CNTLN: variants seen among roughly 807,000 people sequenced by gnomAD.
CNTLN encodes the protein centlein, also known as centlein, centrosomal protein.
A neutral mutation model predicts 180.0 loss-of-function variants in CNTLN; 212 were observed. The ratio of observed to expected loss-of-function variants is 1.18; its 90% CI spans 1.05 to 1.32. CNTLN has a LOEUF of 1.32. Among genes scored for constraint, CNTLN ranks in the 40% most tolerant of loss-of-function variants. The pLI, the probability that CNTLN is intolerant of heterozygous loss-of-function variation, is 0.00. For synonymous variants in CNTLN, 722 were observed against 563.1 expected (o/e 1.28, Z -3.99); for missense variants, 2,095 against 1,610.9 (o/e 1.30, Z -5.14).
At chr9:17,376,968 A>G (rs1824825902) in intron 13 of CNTLN, among the ~76,000 whole-genome samples, 1 of 152,216 alleles carries the variant, frequency 6.6e-6, no homozygotes, top group African/African-American at 2.4e-5. Context: ...AACAATTACA[A>G]AAAGAAATTA....
In CNTLN at chr9:17,415,796, T is replaced by G. The variant is rs202121332; in HGVS notation, c.2805T>G (p.Phe935Leu). Reference protein sequence around the residue: ...NIDGKTPKDYFHDKNAKKPTF... With the variant: ...NIDGKTPKDYLHDKNAKKPTF... ...GAAATCTTCAAATTTAGGACTATTTTCATGATAAGAATGCCAAAAAACCAA... is the reference window on the plus strand; with the variant it reads ...GAAATCTTCAAATTTAGGACTATTTGCATGATAAGAATGCCAAAAAACCAA... Residue 935 changes from phenylalanine to leucine, a missense_variant, in exon 17 of 26, where the codon TTT (phenylalanine) becomes TTG (leucine). Coordinates refer to ENST00000380647, the MANE Select transcript of CNTLN (RefSeq NM_017738.4). The G allele has an allele frequency of 1.6e-4, 262 of 1,598,760 alleles. 1 individual carries two copies. The highest frequency in any genetic ancestry group is 1.6e-4 in the Non-Finnish European group (182 of 1,167,672).
chr9:17,194,265 A>G (rs1407073306), intron 2 of CNTLN, among the ~76,000 whole-genome samples: 1 of 152,186 alleles, frequency 6.6e-6, no homozygotes, highest in Non-Finnish European at 1.5e-5. Context: ...CTCCTCAGAA[A>G]ATGAGTTTTT....
chr9:17,199,776 C>G (rs1822397681), intron 2 of CNTLN, among the ~76,000 whole-genome samples: 1 of 151,918 alleles, frequency 6.6e-6, no homozygotes, highest in Non-Finnish European at 1.5e-5. Flanking sequence ...AAATTTTCTC[C>G]CATTTTGTAG....
intron 15 of CNTLN, among the ~76,000 whole-genome samples, chr9:17,408,970 CT>C (rs1309677683): frequency 6.6e-6 from 1 of 152,062 alleles, no homozygotes. Context: ...CTTTTCTGGC[CT>C]TGTTGGGAAA....
intron 5 of CNTLN, among the ~76,000 whole-genome samples, chr9:17,259,522 A>G (rs904662931): frequency 8.0e-5 from 12 of 149,572 alleles, no homozygotes; most frequent in East Asian, 5.9e-4. Flanking sequence ...CTCTTTTTCT[A>G]TTGATTGGAA....
intron 18 of CNTLN, chr9:17,448,161 C>T: frequency 4.8e-6 from 1 of 208,926 alleles, no homozygotes; most frequent in Admixed American, 4.3e-5. Context: ...CCATTAATTT[C>T]CTTAATTCAG....
At chr9:17,150,933 A>C (rs564620677) in intron 2 of CNTLN, among the ~76,000 whole-genome samples, 1 of 152,194 alleles carries the variant, frequency 6.6e-6, no homozygotes, top group South Asian at 2.1e-4. Flanking sequence ...GAGTTCACTC[A>C]TGGTTTGGCT....
intron 21 of CNTLN, 145 bp from the exon 22 acceptor site, chr9:17,465,836 G>T (rs776266388): frequency 1.6e-6 from 1 of 623,606 alleles, no homozygotes; most frequent in African/African-American, 1.9e-5. Context: ...TATGAGTTCT[G>T]TAAGTATAAT....
At chr9:17,522,657 C>T in the CNTLN span, among the ~76,000 whole-genome samples, 35 of 152,012 alleles carry the variant, frequency 2.3e-4, no homozygotes, top group East Asian at 3.1e-3. Context: ...AACCGAAAGT[C>T]GGCCTGCCTT....
At chr9:17,477,252 G>C (rs1440655459) in intron 23 of CNTLN, among the ~76,000 whole-genome samples, 1 of 152,182 alleles carries the variant, frequency 6.6e-6, no homozygotes, top group African/African-American at 2.4e-5. Flanking sequence ...CAAGAGCTTT[G>C]ATGGAGATGT....
downstream of CNTLN, among the ~76,000 whole-genome samples, chr9:17,505,996 T>G (rs1338672577): frequency 9.2e-5 from 14 of 151,944 alleles, no homozygotes; most frequent in African/African-American, 3.1e-4. Flanking sequence ...CCAACTGATT[T>G]GAGACAAAGG....
At chr9:17,178,182 G>A (rs1820853720) in intron 2 of CNTLN, among the ~76,000 whole-genome samples, 1 of 152,090 alleles carries the variant, frequency 6.6e-6, no homozygotes, top group Admixed American at 6.5e-5. Context: ...TAGATACGGA[G>A]TGTCGATTGG....
chr9:17,471,041 C>G (rs1832021779), intron 23 of CNTLN, among the ~76,000 whole-genome samples: 1 of 151,902 alleles, frequency 6.6e-6, no homozygotes, highest in Non-Finnish European at 1.5e-5. Flanking sequence ...TGTCATTATA[C>G]TGAAAAAGGA....
Position 17,394,960 on chromosome 9 carries a change from A to C in CNTLN, c.2506A>C (p.Asn836His). ...TKVKFKAAKK[N>H]CSVGRHHTVL... ...GGTTAAATTTAAAGCTGCGAAGAAA[A>C]ATTGCTCTGTGGGTCGTCACCACAC... The change falls in exon 15 of 26, where the codon AAT becomes CAT. Residue 836 changes from asparagine to histidine, a missense_variant. Physicochemically the swap from Asn to His is moderately conservative, Grantham distance 68 (BLOSUM62 1). Transcript: ENST00000380647. 6.2e-7 allele frequency: 1 copy of C among 1,614,056 alleles called. No homozygotes were observed. The highest frequency in any genetic ancestry group is 8.5e-7 in the Non-Finnish European group (1 of 1,179,964).
At chr9:17,452,028 C>T (rs1830809941) in intron 18 of CNTLN, among the ~76,000 whole-genome samples, 1 of 152,134 alleles carries the variant, frequency 6.6e-6, no homozygotes, top group Non-Finnish European at 1.5e-5. Context: ...TACCCAACAG[C>T]ATTTTCTTTA....
chr9:17,226,373 G>C (rs1215365187), intron 3 of CNTLN, 86 bp downstream of exon 3: 2 of 695,130 alleles, frequency 2.9e-6, no homozygotes, highest in Non-Finnish European at 4.5e-6. Context: ...TTTTGCAATA[G>C]TGTTTATTGA....
At chr9:17,215,468 G>C (rs1432328131) in intron 2 of CNTLN, among the ~76,000 whole-genome samples, 1 of 146,002 alleles carries the variant, frequency 6.8e-6, no homozygotes, top group Non-Finnish European at 1.5e-5. Flanking sequence ...CCCTACTAGG[G>C]GGTGCCTCCC....
chr9:17,168,407 T>A (rs1401603119), intron 2 of CNTLN: 1 of 152,174 alleles, frequency 6.6e-6, no homozygotes, highest in Non-Finnish European at 1.5e-5. Context: ...AAATAAGTAA[T>A]ATATGACCTA....
At chr9:17,223,976 T>C (rs954461776) in intron 2 of CNTLN, among the ~76,000 whole-genome samples, 1 of 152,006 alleles carries the variant, frequency 6.6e-6, no homozygotes, top group African/African-American at 2.4e-5. Context: ...TGACTTGACT[T>C]GGAAAACTCT....
Sources: allele counts gnomAD v4.1 joint callset (sites outside exome capture counted in the v4.1 genomes callset), GRCh38; gene constraint gnomAD v4.1.1; transcripts MANE v1.5; gene names NCBI Gene and HGNC (gene_info 2026-07-23, HGNC 2026-07-21).